LRP2: variants seen among roughly 807,000 people sequenced by gnomAD.
LRP2 encodes low-density lipoprotein receptor-related protein 2.
A neutral mutation model predicts 531.0 loss-of-function variants in LRP2; 172 were observed. That is an observed-to-expected ratio of 0.32 (90% CI 0.29 to 0.37). The LOEUF (loss-of-function observed/expected upper bound fraction) is 0.37. Among genes scored for constraint, LRP2 ranks in the 10% least tolerant of loss-of-function variants. The pLI is 1.00. For missense variants in LRP2, 5,167 were observed against 5,868.3 expected, an observed-to-expected ratio of 0.88 and a Z score of 3.90; for synonymous variants, 1,992 against 2,027.6, an observed-to-expected ratio of 0.98 and a Z score of 0.47.
At chr2:169,300,693 G>A (rs1167040992) in intron 4 of LRP2, among the ~76,000 whole-genome samples, 2 of 152,022 alleles carry the variant, frequency 1.3e-5, no homozygotes, top group East Asian at 3.9e-4. Context: ...TCAGGGCTCT[G>A]AATCCTATCT....
chr2:169,195,947 A>G lies in LRP2; in HGVS notation c.8698+964T>C, dbSNP rs185337279. Among the ~76,000 whole-genome samples the G allele has an allele frequency of 4.9e-4, 74 of 152,316 alleles. No individual in the cohort carries two copies. In the East Asian group the frequency reaches 0.013, roughly 27 times the overall value. Reference sequence around the variant, plus strand: ...CTGAAAATAAAATGTTTTAAATACGATGTTAATATTTACTGCAATGATATA... The same window carrying G: ...CTGAAAATAAAATGTTTTAAATACGGTGTTAATATTTACTGCAATGATATA... On this transcript the variant is annotated intron_variant, in intron 46 of 78. Transcript: ENST00000649046.
In LRP2 at chr2:169,213,650, T is replaced by C. The variant is rs750495331; in HGVS notation, c.6040+7A>G. The C allele has an allele frequency of 6.2e-7, 1 of 1,608,578 alleles. No homozygotes were observed. Among genetic ancestry groups the C allele is most frequent in the Non-Finnish European group, 8.5e-7 (1 of 1,176,346 alleles). The stretch of plus-strand genomic sequence containing the variant: ...CCCATGAATGTATTTCAGTGACAAA[T>C]ACTTACTGCGTCTGTGATAAACTTG... On this transcript the variant is annotated splice_region_variant and intron_variant, in intron 36 of 78. Coordinates refer to ENST00000649046, the MANE Select transcript of LRP2 (RefSeq NM_004525.3).
chr2:169,231,854 A>C lies in LRP2; in HGVS notation c.5099-12T>G, dbSNP rs1406298972. ...ACATGGATTCACGGCTGCATGAGAAAGAGAAGAAAGCACCAGTAAGTGGAA... is the reference window on the plus strand; with the variant it reads ...ACATGGATTCACGGCTGCATGAGAACGAGAAGAAAGCACCAGTAAGTGGAA... On this transcript the variant is annotated splice_polypyrimidine_tract_variant and intron_variant, in intron 30 of 78. Transcript: ENST00000649046. 2 of 1,613,776 alleles carry C rather than the reference A, an allele frequency of 1.2e-6. No homozygotes were observed. Among genetic ancestry groups the C allele is most frequent in the African/African-American group, 2.7e-5 (2 of 75,026 alleles).
intron 1 of LRP2, among the ~76,000 whole-genome samples, chr2:169,353,102 T>C (rs1328312418): frequency 2.0e-5 from 3 of 152,178 alleles, no homozygotes; most frequent in African/African-American, 7.2e-5. Context: ...TGAGTTTTGA[T>C]TTAAGAATCT....
At chr2:169,289,253 A>G in intron 8 of LRP2, 108 bp from the exon 9 acceptor site, 1 of 1,406,268 alleles carries the variant, frequency 7.1e-7, no homozygotes, top group Non-Finnish European at 1.0e-6. Flanking sequence ...CATGAAGTAG[A>G]TGTACAGAAA....
chr2:169,164,041 T>C (rs1239292653), intron 62 of LRP2, among the ~76,000 whole-genome samples: 1 of 152,212 alleles, frequency 6.6e-6, no homozygotes, highest in Admixed American at 6.5e-5. Flanking sequence ...AAAGTGAAGG[T>C]GGTGCTATTC....
chr2:169,320,048 G>C (rs1348566270), intron 2 of LRP2, among the ~76,000 whole-genome samples: 2 of 152,186 alleles, frequency 1.3e-5, no homozygotes, highest in Non-Finnish European at 1.5e-5. Context: ...GCAGATGTAT[G>C]ATTGATCACC....
chr2:169,216,474 G>T, intron 34 of LRP2, 44 bp from the exon 35 acceptor site: 2 of 1,590,384 alleles, frequency 1.3e-6, no homozygotes, highest in Admixed American at 1.7e-5. Flanking sequence ...ACAGAAGGTG[G>T]ATTTGAGTCA....
At chr2:169,278,106 T>C (rs1463887238) in intron 12 of LRP2, among the ~76,000 whole-genome samples, 155 bp from the exon 13 acceptor site, 1 of 151,292 alleles carries the variant, frequency 6.6e-6, no homozygotes, top group African/African-American at 2.4e-5. Flanking sequence ...TTTTTTTTTT[T>C]TAAAGAGACT....
intron 12 of LRP2, among the ~76,000 whole-genome samples, chr2:169,279,103 A>C (rs1281451233): frequency 6.6e-6 from 1 of 152,228 alleles, no homozygotes; most frequent in Non-Finnish European, 1.5e-5. Flanking sequence ...CGTGGCAAAC[A>C]CTAAGAATAA....
chr2:169,211,826 T>C (rs1195022039), intron 37 of LRP2, 142 bp downstream of exon 37: 4 of 1,174,334 alleles, frequency 3.4e-6, no homozygotes, highest in South Asian at 1.3e-5. Flanking sequence ...AAAAACACTT[T>C]AGGCTGTGCC....
intron 8 of LRP2, among the ~76,000 whole-genome samples, chr2:169,290,379 T>C (rs1574224984): frequency 6.9e-6 from 1 of 145,634 alleles, no homozygotes. Context: ...AAAATTGCCA[T>C]TGAAACAATC....
rs776977168 is a variant in LRP2, at chr2:169,146,900, C to G, written c.12650G>C (p.Gly4217Ala). The G allele has an allele frequency of 6.2e-7, 1 of 1,614,118 alleles. No homozygotes were observed. Among genetic ancestry groups the G allele is most frequent in the Non-Finnish European group, 8.5e-7 (1 of 1,180,006 alleles). Residue 4217 changes from glycine (G) to alanine (A), a missense_variant, in exon 69 of 79, where the codon GGA becomes GCA. Gly to Ala is a moderately conservative substitution (Grantham distance 60). Transcript: ENST00000649046. ...EPKIESAWMN[G>A]EDRNILVFED... ...GAAAACCAGGATGTTGCGGTCCTCT[C>G]CATTCATCCAGGCAGACTCGATTTT...
intron 69 of LRP2, among the ~76,000 whole-genome samples, chr2:169,146,334 C>CA (rs373264113): frequency 6.6e-6 from 1 of 151,934 alleles, no homozygotes; most frequent in Non-Finnish European, 1.5e-5. Flanking sequence ...ACAACAACAA[C>CA]AAAAAATGTT....
chr2:169,312,155 C>G (rs951757748), intron 3 of LRP2, among the ~76,000 whole-genome samples: 8 of 152,108 alleles, frequency 5.3e-5, no homozygotes, highest in Admixed American at 2.0e-4. Context: ...ACTCTTTATC[C>G]AATTTGCCAG....
Position 169,202,927 on chromosome 2 carries a change from C to T in LRP2, c.8038G>A (p.Glu2680Lys), listed in dbSNP as rs780081691. 6.2e-7 allele frequency: 1 copy of T among 1,614,208 alleles called. No homozygotes were observed. Among genetic ancestry groups the T allele is most frequent in the Non-Finnish European group, 8.5e-7 (1 of 1,180,030 alleles). ...TTGTTGGCCAAATACCAGTTGCCCT[C>T]ATGTGGACACTGGCACTCGGCACCA... is the stretch of plus-strand genomic sequence containing the variant. ...PNGAECQCPH[E>K]GNWYLANNRK... is the part of the protein sequence containing the mutation. Residue 2680 changes from glutamate to lysine, a missense_variant, in exon 43 of 79, where the codon GAG becomes AAG. Glu to Lys is a moderately conservative substitution (Grantham distance 56). This residue lies in a region of LRP2 where 1,129 missense variants were observed against 1,362.7 expected (regional missense o/e 0.83). Transcript: ENST00000649046.
chr2:169,361,456 C>T (rs949883731), intron 1 of LRP2, among the ~76,000 whole-genome samples: 3 of 150,340 alleles, frequency 2.0e-5, no homozygotes, highest in Admixed American at 6.7e-5. Flanking sequence ...CTCTTCCCTC[C>T]TTCTTTCCTT....
intron 4 of LRP2, among the ~76,000 whole-genome samples, chr2:169,306,435 G>GA (rs781599316): frequency 4.7e-4 from 71 of 152,222 alleles, no homozygotes; most frequent in Non-Finnish European, 9.0e-4. Context: ...TCGGGAGGCT[G>GA]AGGCAGGAGA....
chr2:169,277,799 C>T lies in LRP2; in HGVS notation c.1718G>A (p.Trp573Ter). Reference sequence around the variant, plus strand: ...AATGTAATCAAACCGAGAGTCAACCCAGTAAACACGCTTCGATATCATATC... The same window carrying T: ...AATGTAATCAAACCGAGAGTCAACCTAGTAAACACGCTTCGATATCATATC... ...TLDMISKRVY[W>*]VDSRFDYIET... The change falls in exon 13 of 79, where the codon TGG (tryptophan) becomes TAG (stop). Residue 573 changes from tryptophan (W) to a stop codon, truncating the protein, a stop_gained. Transcript: ENST00000649046. LOFTEE classifies it high-confidence loss of function. 6.2e-7 allele frequency: 1 copy of T among 1,614,110 alleles called. No homozygotes were observed. Among genetic ancestry groups the T allele is most frequent in the Non-Finnish European group, 8.5e-7 (1 of 1,179,998 alleles).
Sources: allele counts gnomAD v4.1 joint callset (sites outside exome capture counted in the v4.1 genomes callset), GRCh38; gene constraint gnomAD v4.1.1; regional missense constraint gnomAD v4.1.1; transcripts MANE v1.5; gene names NCBI Gene and HGNC (gene_info 2026-07-23, HGNC 2026-07-21).